Variants in PARD3 observed in about 807,000 individuals in gnomAD.
PARD3 encodes the protein par-3 family cell polarity regulator.
A neutral mutation model predicts 155.4 loss-of-function variants in PARD3; 75 were observed. That is an observed-to-expected ratio of 0.48 (90% CI 0.40 to 0.58). The LOEUF is 0.58. PARD3 is among the 20% of genes least tolerant of loss of function. PARD3 has a pLI of 0.00. For missense variants in PARD3, 1,642 were observed against 1,721.7 expected (o/e 0.95, Z 0.82); for synonymous variants, 576 against 610.5 (o/e 0.94, Z 0.83).
intron 22 of PARD3, among the ~76,000 whole-genome samples, chr10:34,153,168 G>A (rs1334230118): frequency 6.6e-6 from 1 of 152,080 alleles, no homozygotes; most frequent in African/African-American, 2.4e-5. Flanking sequence ...GAGTATACAC[G>A]GATGCAATCA....
chr10:34,277,850 GCCTT>G (rs1955962467), intron 21 of PARD3, among the ~76,000 whole-genome samples: 1 of 152,106 alleles, frequency 6.6e-6, no homozygotes, highest in African/African-American at 2.4e-5. Flanking sequence ...CTTTCCATAA[GCCTT>G]TGTGCTTAGG....
intron 2 of PARD3, among the ~76,000 whole-genome samples, chr10:34,542,234 T>TAC (rs1554889668): frequency 1.1e-3 from 165 of 146,300 alleles, no homozygotes; most frequent in African/African-American, 4.0e-3. Context: ...TGTGTGTGTG[T>TAC]GTGTGCACAC....
chr10:34,236,144 C>T (rs576664447), intron 22 of PARD3, among the ~76,000 whole-genome samples: 10 of 152,168 alleles, frequency 6.6e-5, no homozygotes, highest in African/African-American at 2.4e-4. Flanking sequence ...TATGGGTAAC[C>T]TACAGCTTAT....
At chr10:34,272,092 G>A (rs1366024722) in intron 21 of PARD3, among the ~76,000 whole-genome samples, 1 of 152,022 alleles carries the variant, frequency 6.6e-6, no homozygotes, top group Non-Finnish European at 1.5e-5. Flanking sequence ...AATGGTGCAG[G>A]AGCCATGAGA....
chr10:34,164,608 T>C (rs528222155), intron 22 of PARD3, among the ~76,000 whole-genome samples: 2 of 152,358 alleles, frequency 1.3e-5, no homozygotes, highest in East Asian at 3.9e-4. Context: ...ACCAGTCATT[T>C]CTTTTTCTGC....
intron 1 of PARD3, among the ~76,000 whole-genome samples, chr10:34,755,288 C>T (rs560014477): frequency 3.2e-4 from 49 of 151,756 alleles, no homozygotes; most frequent in Non-Finnish European, 6.3e-4. Context: ...GGCATGCACC[C>T]GTAATCCCAG....
chr10:34,511,848 C>T (rs1451688291), intron 3 of PARD3, among the ~76,000 whole-genome samples: 2 of 152,170 alleles, frequency 1.3e-5, no homozygotes, highest in Non-Finnish European at 2.9e-5. Context: ...GCCTCAGCCT[C>T]CCGAGCCACA....
Position 34,786,848 on chromosome 10 carries a change from G to T in PARD3, c.120+28028C>A, listed in dbSNP as rs114804006. ...TATACATATATAGATTTGGTTTTTG[G>T]AAGGCCAAAAATGGCATGCAGAGTT... On this transcript the variant is annotated intron_variant, in intron 1 of 24. Transcript: ENST00000374788. 3.5e-3 allele frequency among the ~76,000 whole-genome samples: 531 copies of T among 152,120 alleles called. 4 individuals carry two copies. Among genetic ancestry groups the T allele is most frequent in the African/African-American group, 0.011 (472 of 41,480 alleles).
At chr10:34,530,786 G>A (rs1001361847) in intron 2 of PARD3, among the ~76,000 whole-genome samples, 2 of 152,202 alleles carry the variant, frequency 1.3e-5, no homozygotes, top group Admixed American at 1.3e-4. Context: ...CCATAGTAAC[G>A]ACCATCCTTT....
At chr10:34,553,505 C>T (rs553959503) in intron 2 of PARD3, among the ~76,000 whole-genome samples, 2 of 152,160 alleles carry the variant, frequency 1.3e-5, no homozygotes, top group South Asian at 4.1e-4. Flanking sequence ...CTCAGCAAAA[C>T]CACACAGAGG....
At chr10:34,463,101 G>C (rs1564741770) in intron 4 of PARD3, among the ~76,000 whole-genome samples, 1 of 111,990 alleles carries the variant, frequency 8.9e-6, no homozygotes, top group Non-Finnish European at 1.8e-5. Context: ...GAAAGGAATG[G>C]GAAAGTGAAG....
At chr10:34,726,662 G>A (rs2133780906) in intron 1 of PARD3, among the ~76,000 whole-genome samples, 1 of 152,198 alleles carries the variant, frequency 6.6e-6, no homozygotes, top group African/African-American at 2.4e-5. Flanking sequence ...TCAGGAGGCT[G>A]AGGCTGAGGA....
chr10:34,636,027 A>G (rs867998790), intron 2 of PARD3, among the ~76,000 whole-genome samples: 24 of 152,062 alleles, frequency 1.6e-4, no homozygotes, highest in South Asian at 4.1e-4. Context: ...ATTAAAAAAA[A>G]AAGAAGAAGA....
At chr10:34,480,620 T>A (rs1400641452) in intron 3 of PARD3, among the ~76,000 whole-genome samples, 1 of 152,050 alleles carries the variant, frequency 6.6e-6, no homozygotes, top group East Asian at 1.9e-4. Flanking sequence ...ACTCATCCAC[T>A]CTAGACACAC....
intron 2 of PARD3, among the ~76,000 whole-genome samples, chr10:34,642,868 C>T (rs1387695688): frequency 6.6e-6 from 1 of 152,166 alleles, no homozygotes; most frequent in African/African-American, 2.4e-5. Flanking sequence ...ACCTTATTAA[C>T]GCTCAAGCCT....
At chr10:34,609,312 T>G (rs1057504455) in intron 2 of PARD3, among the ~76,000 whole-genome samples, 1 of 152,190 alleles carries the variant, frequency 6.6e-6, no homozygotes, top group Non-Finnish European at 1.5e-5. Flanking sequence ...AGGCCAAAAT[T>G]ATCACCAGTA....
chr10:34,737,896 C>T (rs1009822735), intron 1 of PARD3, among the ~76,000 whole-genome samples: 8 of 152,160 alleles, frequency 5.3e-5, no homozygotes, highest in South Asian at 2.1e-4. Context: ...ACGCTAGGGA[C>T]GCCTGGGCCC....
At chr10:34,760,409 G>C (rs1405903183) in intron 1 of PARD3, among the ~76,000 whole-genome samples, 1 of 152,152 alleles carries the variant, frequency 6.6e-6, no homozygotes, top group Non-Finnish European at 1.5e-5. Flanking sequence ...TCTGCTCACT[G>C]TAACCTCCAC....
intron 22 of PARD3, among the ~76,000 whole-genome samples, chr10:34,231,585 C>G (rs1952936051): frequency 6.6e-6 from 1 of 152,022 alleles, no homozygotes; most frequent in African/African-American, 2.4e-5. Flanking sequence ...TACCACTCCC[C>G]CTAAACAGCC....
Sources: allele counts gnomAD v4.1 joint callset (sites outside exome capture counted in the v4.1 genomes callset), GRCh38; gene constraint gnomAD v4.1.1; transcripts MANE v1.5; gene names NCBI Gene and HGNC (gene_info 2026-07-23, HGNC 2026-07-21).